The following VWA3B variants were observed in gnomAD, a reference collection of about 807,000 sequenced individuals.
VWA3B encodes von Willebrand factor A domain containing 3B, also known as von Willebrand factor A domain-containing protein 3B.
A neutral mutation model predicts 158.3 loss-of-function variants in VWA3B; 138 were observed. The observed-to-expected ratio is 0.87, with a 90% CI of 0.76 to 1.00. The LOEUF is 1.00. Ranked by LOEUF, VWA3B falls within the 50% of genes least tolerant of loss-of-function variation. The pLI is 0.00. For synonymous variants in VWA3B, 596 were observed against 587.3 expected, an observed-to-expected ratio of 1.01 and a Z score of -0.21; for missense variants, 1,555 against 1,565.1, an observed-to-expected ratio of 0.99 and a Z score of 0.11.
chr2:98,200,879 G>T (rs1248415405), intron 12 of VWA3B, among the ~76,000 whole-genome samples: 2 of 152,224 alleles, frequency 1.3e-5, no homozygotes, highest in Non-Finnish European at 2.9e-5. Context: ...AGCACTGTTT[G>T]TCTAAGTAAC....
intron 7 of VWA3B, among the ~76,000 whole-genome samples, chr2:98,154,972 C>T (rs762418826): frequency 5.3e-5 from 8 of 152,144 alleles, no homozygotes; most frequent in Admixed American, 4.6e-4. Context: ...TTGGAAGTCT[C>T]GACCAGGTGT....
intron 22 of VWA3B, among the ~76,000 whole-genome samples, chr2:98,275,951 G>A (rs1447721093): frequency 1.3e-5 from 2 of 152,224 alleles, no homozygotes; most frequent in Non-Finnish European, 2.9e-5. Flanking sequence ...AACATCAGGT[G>A]AGCCAGTGCA....
intron 8 of VWA3B, among the ~76,000 whole-genome samples, chr2:98,164,921 G>T (rs1318209479): frequency 6.6e-6 from 1 of 152,144 alleles, no homozygotes; most frequent in African/African-American, 2.4e-5. Flanking sequence ...ATAAATCCCA[G>T]CTCCATCACT....
chr2:98,217,214 T>G (rs572334962), intron 13 of VWA3B, among the ~76,000 whole-genome samples: 1 of 152,264 alleles, frequency 6.6e-6, no homozygotes, highest in South Asian at 2.1e-4. Context: ...AATCAGAAAG[T>G]TGAAGCAAAC....
In VWA3B at chr2:98,284,902, A is replaced by G. The variant is rs185614120; in HGVS notation, c.3046-5609A>G. On this transcript the variant is annotated intron_variant, in intron 22 of 27. Coordinates refer to ENST00000477737, the MANE Select transcript of VWA3B (RefSeq NM_144992.5). ...TGTAGCAATTTGGAGAAAAAGTCCT[A>G]TGTGGTTTATCTTTTGATTTGTAGA... 1.8e-3 allele frequency among the ~76,000 whole-genome samples: 279 copies of G among 152,278 alleles called. 1 individual carries two copies. The highest frequency in any genetic ancestry group is 2.1e-3 in the Non-Finnish European group (146 of 68,004).
rs201222817 is a variant in VWA3B, at chr2:98,188,026, G to A, written c.1363G>A (p.Ala455Thr). The A allele has an allele frequency of 2.3e-4, 370 of 1,613,920 alleles. No homozygotes were observed. The Middle Eastern group carries it at 2.8e-3, about 12-fold the overall frequency. Reference sequence around the variant, plus strand: ...AAAATATTGCAGCAGGTTTGTCCATGCTCCCTGGAAGGATGGGAGCTTGGT... The same window carrying A: ...AAAATATTGCAGCAGGTTTGTCCATACTCCCTGGAAGGATGGGAGCTTGGT... ...HAKYCSRFVH[A>T]PWKDGSLVHV... Residue 455 changes from alanine to threonine, a missense_variant, in exon 10 of 28, where the codon GCT (alanine) becomes ACT (threonine). Coordinates refer to ENST00000477737, the MANE Select transcript of VWA3B (RefSeq NM_144992.5).
chr2:98,232,390 G>T (rs139101341), intron 16 of VWA3B, among the ~76,000 whole-genome samples: 1 of 152,032 alleles, frequency 6.6e-6, no homozygotes, highest in African/African-American at 2.4e-5. Flanking sequence ...CTAGCTAGAG[G>T]CTTTCTTGCT....
chr2:98,196,905 C>G (rs1018873104), intron 12 of VWA3B, among the ~76,000 whole-genome samples: 2 of 152,024 alleles, frequency 1.3e-5, no homozygotes. Context: ...TCACATTTAC[C>G]CTTCACCTAG....
rs60351860 is a variant in VWA3B at position 98,239,528 on chromosome 2, G to GT, written c.2673+2810dup. Among the ~76,000 whole-genome samples the GT allele has an allele frequency of 2.6e-3, 374 of 143,226 alleles. 1 individual carries two copies. The highest frequency in any genetic ancestry group is 0.018 in the Middle Eastern group (5 of 278). 94.0% of individuals were successfully genotyped at this position (143,226 alleles called of 152,430 possible). A position where few individuals can be genotyped will look rare whatever the true frequency, so the allele number is the denominator to read the frequency against. ...CTGGGTGGTGAGATTGTTGGGAGATGTTTTTTTTTTTTAAATTTATGTAGC... is the reference window on the plus strand; with the variant it reads ...CTGGGTGGTGAGATTGTTGGGAGATGTTTTTTTTTTTTTAAATTTATGTAGC... On this transcript the variant is annotated intron_variant, in intron 19 of 27. Coordinates refer to ENST00000477737, the MANE Select transcript of VWA3B (RefSeq NM_144992.5).
chr2:98,169,217 T>C (rs929538709), intron 8 of VWA3B, among the ~76,000 whole-genome samples: 8 of 152,216 alleles, frequency 5.3e-5, no homozygotes, highest in African/African-American at 1.9e-4. Flanking sequence ...CAGCCTGGAA[T>C]TCTATACAAA....
chr2:98,221,313 C>G (rs62156673), intron 14 of VWA3B, among the ~76,000 whole-genome samples: 7,194 of 152,242 alleles, frequency 0.047, 256 homozygotes, highest in Middle Eastern at 0.082. Flanking sequence ...TGTTCCCCAC[C>G]ACCCCTGCCC....
chr2:98,093,725 T>C (rs1241978166), intron 2 of VWA3B, among the ~76,000 whole-genome samples: 2 of 152,214 alleles, frequency 1.3e-5, no homozygotes, highest in Non-Finnish European at 2.9e-5. Flanking sequence ...CACCATACTG[T>C]ACAATAGATC....
chr2:98,264,145 T>C (rs2105856793), intron 21 of VWA3B, among the ~76,000 whole-genome samples: 1 of 152,066 alleles, frequency 6.6e-6, no homozygotes, highest in East Asian at 1.9e-4. Flanking sequence ...CTAGTCTAGC[T>C]AAGAATTTGT....
At chr2:98,307,147 C>T (rs974007278) in intron 26 of VWA3B, among the ~76,000 whole-genome samples, 7 of 152,292 alleles carry the variant, frequency 4.6e-5, no homozygotes, top group South Asian at 2.1e-4. Context: ...GCTTATTCCC[C>T]GGTGCTATAA....
chr2:98,148,035 G>A (rs1366207124), intron 7 of VWA3B, among the ~76,000 whole-genome samples: 1 of 152,160 alleles, frequency 6.6e-6, no homozygotes. Flanking sequence ...CAAAGGACAG[G>A]AACTCATCCT....
At chr2:98,257,534 C>T (rs545937509) in intron 21 of VWA3B, among the ~76,000 whole-genome samples, 5 of 151,806 alleles carry the variant, frequency 3.3e-5, no homozygotes, top group Non-Finnish European at 7.4e-5. Context: ...TCCTCATGAA[C>T]ACTTGACATT....
intron 1 of VWA3B, among the ~76,000 whole-genome samples, chr2:98,091,695 C>G (rs1451021956): frequency 6.6e-6 from 1 of 152,174 alleles, no homozygotes; most frequent in African/African-American, 2.4e-5. Flanking sequence ...CTGACTTGGT[C>G]CAACTGATTT....
rs989127920 is a variant in VWA3B, at chr2:98,217,951, G to T, written c.1942G>T (p.Val648Phe). 6.2e-7 allele frequency: 1 copy of T among 1,613,608 alleles called. No individual in the cohort carries two copies. The highest frequency in any genetic ancestry group is 8.5e-7 in the Non-Finnish European group (1 of 1,179,802). Residue 648 changes from valine (V) to phenylalanine (F), a missense_variant, in exon 14 of 28, where the codon GTT (valine) becomes TTT (phenylalanine). By Grantham distance (50) the Val-to-Phe change is conservative. Coordinates refer to ENST00000477737, the MANE Select transcript of VWA3B (RefSeq NM_144992.5). ...GATTGCAAACAGGTTTTTGAAAGAG[G>T]TTGCTGCTTTGACTGGAGGAGAGTT... Reference protein sequence around the residue: ...DEIANRFLKEVAALTGGEFHF... With the variant: ...DEIANRFLKEFAALTGGEFHF...
chr2:98,169,203 C>G (rs1174481463), intron 8 of VWA3B, among the ~76,000 whole-genome samples: 2 of 152,200 alleles, frequency 1.3e-5, no homozygotes, highest in Non-Finnish European at 2.9e-5. Flanking sequence ...GTACATGAAA[C>G]ATTCAGCCTG....
Sources: allele counts gnomAD v4.1 joint callset (sites outside exome capture counted in the v4.1 genomes callset), GRCh38; gene constraint gnomAD v4.1.1; transcripts MANE v1.5; gene names NCBI Gene and HGNC (gene_info 2026-07-23, HGNC 2026-07-21).